E2F7: variants seen among roughly 807,000 people sequenced by gnomAD.
E2F7 encodes the protein transcription factor E2F7.
A neutral mutation model predicts 81.1 loss-of-function variants in E2F7; 35 were observed. That is an observed-to-expected ratio of 0.43 (90% CI 0.33 to 0.57). The LOEUF is 0.57. Among genes scored for constraint, E2F7 ranks in the 20% least tolerant of loss-of-function variants. E2F7 has a pLI of 0.04. For synonymous variants in E2F7, 416 were observed against 416.2 expected (o/e 1.00, Z 0.01); for missense variants, 961 against 1,093.7 (o/e 0.88, Z 1.71).
intron 2 of E2F7, among the ~76,000 whole-genome samples, chr12:77,056,882 T>C (rs954209207): frequency 2.3e-4 from 30 of 130,292 alleles, no homozygotes; most frequent in African/African-American, 8.2e-4. Flanking sequence ...AGGTTTATTT[T>C]TCTTACTTTT....
chr12:77,052,823 C>CA (rs61543636), intron 3 of E2F7, among the ~76,000 whole-genome samples: 2,637 of 149,754 alleles, frequency 0.018, 79 homozygotes, highest in African/African-American at 0.06. Flanking sequence ...ATCAACATGA[C>CA]AAAAAAAAAC....
Position 77,022,965 on chromosome 12 carries a change from T to C in E2F7, c.*1050A>G, listed in dbSNP as rs1052310779. 2.0e-5 allele frequency: 3 copies of C among 152,094 alleles called. No homozygotes were observed. The highest frequency in any genetic ancestry group is 7.2e-5 in the African/African-American group (3 of 41,404). 9.4% of individuals were successfully genotyped at this position (152,094 alleles called of 1,614,324 possible). On this transcript the variant is annotated 3_prime_UTR_variant, in exon 13 of 13. Coordinates refer to ENST00000322886, the MANE Select transcript of E2F7 (RefSeq NM_203394.3). ...CCCTCTTACTCTTCTGGACATGAAG[T>C]AGAAGAAAAACAAAAGAATCATCTC...
In E2F7 at chr12:77,030,171, T is replaced by A; in HGVS notation, c.1544A>T (p.Gln515Leu). ...ATCCACTTGTCCATTCAGACCGTTCTGCATGGAGAATGCCTGCAGGTCCGT... is the reference window on the plus strand; with the variant it reads ...ATCCACTTGTCCATTCAGACCGTTCAGCATGGAGAATGCCTGCAGGTCCGT... ...AQTDLQAFSMQNGLNGQVDVS... is the reference protein window; with the variant it reads ...AQTDLQAFSMLNGLNGQVDVS... The change falls in exon 10 of 13, where the codon CAG (glutamine) becomes CTG (leucine). Residue 515 changes from glutamine to leucine, a missense_variant. Physicochemically the swap from Gln to Leu is moderately radical, Grantham distance 113. Around this residue, in one of 3 missense-constraint regions of E2F7, gnomAD observed 587 missense variants for 620.3 expected, o/e 0.95. Coordinates refer to ENST00000322886, the MANE Select transcript of E2F7 (RefSeq NM_203394.3). The A allele has an allele frequency of 6.2e-7, 1 of 1,614,204 alleles. No individual in the cohort carries two copies. Among genetic ancestry groups the A allele is most frequent in the Non-Finnish European group, 8.5e-7 (1 of 1,180,028 alleles).
intron 2 of E2F7, among the ~76,000 whole-genome samples, chr12:77,058,751 C>T (rs1215111489): frequency 6.6e-6 from 1 of 152,206 alleles, no homozygotes; most frequent in African/African-American, 2.4e-5. Context: ...CTCGATAAAA[C>T]TTAGCTATTA....
rs148418469 is a variant in E2F7, at chr12:77,028,927, G to A, written c.1885-789C>T. On this transcript the variant is annotated intron_variant, in intron 10 of 12. Coordinates refer to ENST00000322886, the MANE Select transcript of E2F7 (RefSeq NM_203394.3). The stretch of plus-strand genomic sequence containing the variant: ...TCATGTCCTGTGCATTGATAGTATT[G>A]TGATTTCGAAGTAGAGAAATGACAA... Among the ~76,000 whole-genome samples, 385 of 152,326 alleles carry A rather than the reference G, an allele frequency of 2.5e-3. 1 individual carries two copies. Among genetic ancestry groups the A allele is most frequent in the African/African-American group, 8.9e-3 (370 of 41,570 alleles).
rs1255209697 is a variant in E2F7, at chr12:77,029,962, C to G, written c.1753G>C (p.Glu585Gln). 6.2e-7 allele frequency: 1 copy of G among 1,614,258 alleles called. No individual in the cohort carries two copies. The highest frequency in any genetic ancestry group is 1.1e-5 in the South Asian group (1 of 91,086). The change falls in exon 10 of 13, where the codon GAG (glutamate) becomes CAG (glutamine). Residue 585 changes from glutamate (E) to glutamine (Q), a missense_variant. By Grantham distance (29) the Glu-to-Gln change is conservative. This residue lies in a region of E2F7 where 587 missense variants were observed against 620.3 expected (regional missense o/e 0.95). Transcript: ENST00000322886. ...DRSSEAPATV[E>Q]LSSAPSAQKR... ...TGAGCTGAGGGTGCAGATGACAGCT[C>G]TACTGTGGCTGGGGCTTCTGAGCTT...
intron 11 of E2F7, among the ~76,000 whole-genome samples, chr12:77,027,202 A>G (rs894652550): frequency 2.6e-5 from 4 of 152,242 alleles, no homozygotes; most frequent in Admixed American, 2.0e-4. Context: ...CAATTTAGAT[A>G]TCTTTGCATC....
intron 6 of E2F7, among the ~76,000 whole-genome samples, chr12:77,044,036 T>C (rs1391659052): frequency 6.6e-6 from 1 of 152,150 alleles, no homozygotes; most frequent in South Asian, 2.1e-4. Flanking sequence ...ATTTCACCCA[T>C]AGGGTGACTG....
intron 9 of E2F7, among the ~76,000 whole-genome samples, chr12:77,031,027 T>A (rs1407948067): frequency 3.0e-4 from 46 of 152,352 alleles, no homozygotes. Flanking sequence ...TTCTGCTCGG[T>A]GTTATTAACA....
At chr12:77,052,105 G>C (rs1326923141) in intron 3 of E2F7, among the ~76,000 whole-genome samples, 1 of 152,122 alleles carries the variant, frequency 6.6e-6, no homozygotes, top group African/African-American at 2.4e-5. Context: ...AAATCTATTT[G>C]CATAAAATCC....
At position 77,043,127 on chromosome 12, in the gene E2F7, G is replaced by A. The variant is rs1954907890; in HGVS notation, c.1061C>T (p.Thr354Ile). 6.2e-7 allele frequency: 1 copy of A among 1,614,032 alleles called. No homozygotes were observed. Among genetic ancestry groups the A allele is most frequent in the African/African-American group, 1.3e-5 (1 of 74,912 alleles). ...GGCTGGTTTACGACCTCGCTCTTCT[G>A]TTACATGCACTTTCTTTATCAGAGC... ...SLALIKKVHV[T>I]EERGRKPAFK... Residue 354 changes from threonine to isoleucine, a missense_variant, in exon 7 of 13, where the codon ACA becomes ATA. Physicochemically the swap from Thr to Ile is moderately conservative, Grantham distance 89 (BLOSUM62 -1). Coordinates refer to ENST00000322886, the MANE Select transcript of E2F7 (RefSeq NM_203394.3).
chr12:77,025,809 G>A lies in E2F7; in HGVS notation c.2314C>T (p.Leu772Phe). 6.2e-7 allele frequency: 1 copy of A among 1,614,118 alleles called. No homozygotes were observed. The highest frequency in any genetic ancestry group is 8.5e-7 in the Non-Finnish European group (1 of 1,180,040). ...PAMPGPVSST[L>F]GALPNTGPVN... is the part of the protein sequence containing the mutation. ...GGTCCTGTGTTTGGGAGAGCACCAA[G>A]AGTAGAAGAAACCGGGCCCGGCATT... Residue 772 changes from leucine to phenylalanine, a missense_variant, in exon 12 of 13, where the codon CTT becomes TTT. This residue lies in a region of E2F7 where 587 missense variants were observed against 620.3 expected (regional missense o/e 0.95). Transcript: ENST00000322886.
At chr12:77,064,471 T>C (rs1592570014) in intron 2 of E2F7, 72 bp downstream of exon 2, 2 of 1,218,704 alleles carry the variant, frequency 1.6e-6, no homozygotes, top group Non-Finnish European at 2.4e-6. Flanking sequence ...AAATGGCATG[T>C]TGGAACACTT....
At position 77,033,109 on chromosome 12, in the gene E2F7, G is replaced by T; in HGVS notation, c.1323C>A (p.Tyr441Ter). The T allele has an allele frequency of 6.2e-7, 1 of 1,613,764 alleles. No homozygotes were observed. Among genetic ancestry groups the T allele is most frequent in the Non-Finnish European group, 8.5e-7 (1 of 1,179,938 alleles). Residue 441 changes from tyrosine (Y) to a stop codon, truncating the protein, a stop_gained, in exon 9 of 13, where the codon TAC (tyrosine) becomes TAA (stop). Transcript: ENST00000322886. LOFTEE classifies it high-confidence loss of function. ...PYREEQGSGG[Y>*]SLEIGSLAAV... is the part of the protein sequence containing the mutation. Reference sequence around the variant, plus strand: ...CTGCCAGGCTTCCAATTTCTAAAGAGTAGCCACCTGATCCTGAAAAGGAAG... The same window carrying T: ...CTGCCAGGCTTCCAATTTCTAAAGATTAGCCACCTGATCCTGAAAAGGAAG...
chr12:77,049,962 G>T (rs1402575877), intron 4 of E2F7, among the ~76,000 whole-genome samples: 1 of 152,020 alleles, frequency 6.6e-6, no homozygotes, highest in African/African-American at 2.4e-5. Flanking sequence ...GTCCACTAGG[G>T]GTCTCTATTC....
intron 11 of E2F7, among the ~76,000 whole-genome samples, chr12:77,027,299 G>A (rs1203113465): frequency 2.0e-5 from 3 of 152,148 alleles, no homozygotes; most frequent in African/African-American, 7.2e-5. Context: ...AGCATTTATT[G>A]AGTCTTACTA....
intron 8 of E2F7, 89 bp downstream of exon 8, chr12:77,033,768 T>C: frequency 7.5e-7 from 1 of 1,342,242 alleles, no homozygotes. Context: ...TCAGTTTGTT[T>C]TAAAACGCCA....
At chr12:77,031,292 C>T (rs1333997211) in intron 9 of E2F7, among the ~76,000 whole-genome samples, 1 of 152,090 alleles carries the variant, frequency 6.6e-6, no homozygotes, top group African/African-American at 2.4e-5. Context: ...TATTTAAAAC[C>T]ATGTTTATGT....
chr12:77,036,603 T>G (rs1404088181), intron 7 of E2F7, among the ~76,000 whole-genome samples: 1 of 152,106 alleles, frequency 6.6e-6, no homozygotes, highest in African/African-American at 2.4e-5. Flanking sequence ...ATTCTTTTAT[T>G]TATTTGAGAC....
Sources: gnomAD v4.1 joint callset for allele counts (sites outside exome capture counted in the v4.1 genomes callset) on GRCh38, gnomAD v4.1.1 for gene constraint, gnomAD v4.1.1 regional missense constraint, MANE v1.5 for transcripts, NCBI Gene and HGNC (gene_info 2026-07-23, HGNC 2026-07-21) for gene names.